SCAI: variants seen among roughly 807,000 people sequenced by gnomAD.
The protein encoded by SCAI is suppressor of cancer cell invasion.
SCAI carries 24 observed loss-of-function variants against 92.2 expected under a neutral mutation model. That is an observed-to-expected ratio of 0.26 (90% CI 0.19 to 0.37). The LOEUF (loss-of-function observed/expected upper bound fraction) is 0.37, where lower values mean the gene tolerates loss of function less well. Among genes scored for constraint, SCAI ranks in the 10% least tolerant of loss-of-function variants. The pLI, the probability that SCAI is intolerant of heterozygous loss-of-function variation, is 1.00. For missense variants in SCAI, 450 were observed against 736.2 expected (o/e 0.61, Z 4.50); for synonymous variants, 261 against 258.6 (o/e 1.01, Z -0.09).
In SCAI at chr9:125,099,922, TTATC is replaced by T. The variant is rs560265581; in HGVS notation, c.98+42707_98+42710del. Among the ~76,000 whole-genome samples the T allele has an allele frequency of 2.9e-3, 436 of 152,372 alleles. 3 individuals are homozygous for T. The highest frequency in any genetic ancestry group is 8.5e-3 in the African/African-American group (354 of 41,588). On this transcript the variant is annotated intron_variant, in intron 2 of 17. Transcript: ENST00000336505. ...ATTGTATGGATATAACACATTTTGT[TTATC>T]TGTCCATCTATATCAATGGACATCC...
At chr9:124,957,372 T>A (rs1831335361) in intron 17 of SCAI, among the ~76,000 whole-genome samples, 1 of 152,080 alleles carries the variant, frequency 6.6e-6, no homozygotes, top group South Asian at 2.1e-4. Context: ...AATTCAATTT[T>A]TTTTTTTTGA....
rs143144433 is a variant in SCAI at position 124,943,848 on chromosome 9, C to G, written c.*8959G>C. On this transcript the variant is annotated 3_prime_UTR_variant, in exon 18 of 18. Transcript: ENST00000336505. ...TGCTCAGAGGAAATAATAAAGTGTCCTGAAATTACAATAATTCTTAGCACA... is the reference window on the plus strand; with the variant it reads ...TGCTCAGAGGAAATAATAAAGTGTCGTGAAATTACAATAATTCTTAGCACA... 9.9e-4 allele frequency: 150 copies of G among 152,240 alleles called. No individual in the cohort carries two copies. Among genetic ancestry groups the G allele is most frequent in the African/African-American group, 3.5e-3 (146 of 41,556 alleles). 9.4% of individuals were successfully genotyped at this position (152,240 alleles called of 1,614,324 possible). A position where few individuals can be genotyped will look rare whatever the true frequency, so the allele number is the denominator to read the frequency against.
At chr9:124,964,610 C>T (rs1299410015) in intron 17 of SCAI, among the ~76,000 whole-genome samples, 1 of 152,132 alleles carries the variant, frequency 6.6e-6, no homozygotes, top group Non-Finnish European at 1.5e-5. Context: ...CTTAGGACCC[C>T]CCATCTAGAG....
intron 14 of SCAI, among the ~76,000 whole-genome samples, chr9:124,980,538 G>A (rs1429135736): frequency 6.6e-6 from 1 of 152,150 alleles, no homozygotes; most frequent in African/African-American, 2.4e-5. Flanking sequence ...TTCTGGGAGT[G>A]TAGCATTTTG....
At chr9:125,100,810 G>A (rs1355320594) in intron 2 of SCAI, among the ~76,000 whole-genome samples, 1 of 152,146 alleles carries the variant, frequency 6.6e-6, no homozygotes, top group Non-Finnish European at 1.5e-5. Context: ...TGAAGGAGGT[G>A]AAAGAATAAA....
chr9:125,054,240 G>A (rs1833619596), intron 3 of SCAI, among the ~76,000 whole-genome samples: 2 of 152,166 alleles, frequency 1.3e-5, no homozygotes, highest in African/African-American at 4.8e-5. Flanking sequence ...CTCCCGAAGT[G>A]CTGGGATTAT....
Position 124,971,268 on chromosome 9 carries a change from T to C in SCAI, c.1674+102A>G, listed in dbSNP as rs1237887622. 3.9e-5 allele frequency: 21 copies of C among 543,006 alleles called. 1 individual carries two copies. Among genetic ancestry groups the C allele is most frequent in the South Asian group, 2.7e-4 (7 of 26,122 alleles). The allele number at this position is 543,006 out of a possible 1,614,324, so 33.6% of individuals were successfully genotyped here. A position where few individuals can be genotyped will look rare whatever the true frequency, so the allele number is the denominator to read the frequency against. ...ATTATTTTGAATTTATCCAAAATAA[T>C]ATTATTTTATTATAACCTTATTTTA... is the stretch of plus-strand genomic sequence containing the variant. On this transcript the variant is annotated intron_variant, in intron 17 of 17. Transcript: ENST00000336505.
chr9:125,121,310 T>C (rs1724403889), intron 2 of SCAI, among the ~76,000 whole-genome samples: 1 of 148,252 alleles, frequency 6.7e-6, no homozygotes, highest in Non-Finnish European at 1.5e-5. Flanking sequence ...GGAAAAAAGA[T>C]GAATCAAACC....
intron 2 of SCAI, among the ~76,000 whole-genome samples, chr9:125,061,280 C>A (rs188440633): frequency 6.6e-6 from 1 of 151,892 alleles, no homozygotes; most frequent in African/African-American, 2.4e-5. Context: ...CTGGGCGATA[C>A]AGCGAGACTC....
chr9:125,020,354 A>T (rs938223754), intron 7 of SCAI, among the ~76,000 whole-genome samples: 2 of 152,184 alleles, frequency 1.3e-5, no homozygotes, highest in Non-Finnish European at 2.9e-5. Context: ...TTCTTCACAT[A>T]ACATTTCAAT....
chr9:125,018,540 A>G (rs1832808191), intron 9 of SCAI, among the ~76,000 whole-genome samples: 1 of 152,204 alleles, frequency 6.6e-6, no homozygotes, highest in Admixed American at 6.5e-5. Context: ...TCTAACATAT[A>G]TGAAATAATT....
intron 17 of SCAI, 51 bp from the exon 18 acceptor site, chr9:124,953,004 AT>A: frequency 1.4e-6 from 2 of 1,434,206 alleles, no homozygotes; most frequent in Non-Finnish European, 2.0e-6. Flanking sequence ...ATGAAAGAAA[AT>A]TATACACATT....
At chr9:124,954,592 G>A (rs1050382734) in intron 17 of SCAI, among the ~76,000 whole-genome samples, 2 of 151,958 alleles carry the variant, frequency 1.3e-5, no homozygotes, top group African/African-American at 2.4e-5. Context: ...TTTTAGTAAC[G>A]GTTTTATTAA....
intron 9 of SCAI, among the ~76,000 whole-genome samples, chr9:125,018,590 G>C (rs1444657358): frequency 9.9e-5 from 15 of 151,952 alleles, no homozygotes; most frequent in Admixed American, 9.8e-4. Flanking sequence ...TTCATTTACT[G>C]TATCACGAGT....
intron 3 of SCAI, among the ~76,000 whole-genome samples, chr9:125,041,120 CAA>C (rs1438152055): frequency 3.9e-5 from 6 of 152,130 alleles, no homozygotes; most frequent in Non-Finnish European, 8.8e-5. Flanking sequence ...TTTTCAGGCA[CAA>C]TAGCAAGAAT....
intron 2 of SCAI, among the ~76,000 whole-genome samples, chr9:125,074,956 A>G (rs546115295): frequency 3.3e-5 from 5 of 152,228 alleles, no homozygotes; most frequent in African/African-American, 9.6e-5. Context: ...GGATCACACC[A>G]CTACACTTCA....
chr9:125,133,550 C>T (rs771062454), intron 2 of SCAI, among the ~76,000 whole-genome samples: 1 of 152,118 alleles, frequency 6.6e-6, no homozygotes, highest in African/African-American at 2.4e-5. Context: ...TGAAAAGATA[C>T]TCAACATTAT....
At chr9:124,982,300 C>T (rs965100822) in intron 14 of SCAI, among the ~76,000 whole-genome samples, 1 of 152,098 alleles carries the variant, frequency 6.6e-6, no homozygotes, top group African/African-American at 2.4e-5. Context: ...TATTTTGTGG[C>T]CTAACTGCTA....
intron 2 of SCAI, among the ~76,000 whole-genome samples, chr9:125,116,678 C>T (rs986868613): frequency 7.2e-5 from 11 of 151,890 alleles, no homozygotes; most frequent in African/African-American, 2.7e-4. Flanking sequence ...TTTCTGCTTT[C>T]AGTAACCTTA....
Sources: gnomAD v4.1 joint callset for allele counts (sites outside exome capture counted in the v4.1 genomes callset) on GRCh38, gnomAD v4.1.1 for gene constraint, MANE v1.5 for transcripts, NCBI Gene and HGNC (gene_info 2026-07-23, HGNC 2026-07-21) for gene names.